The following LARGE1 variants were observed in gnomAD, a reference collection of about 807,000 sequenced individuals.
LARGE1 encodes the protein xylosyl- and glucuronyltransferase LARGE1.
In LARGE1, 43 loss-of-function variants were observed where a neutral mutation model predicts 87.6. The ratio of observed to expected loss-of-function variants is 0.49; its 90% CI spans 0.38 to 0.63. LARGE1 has a LOEUF of 0.63. LARGE1 is among the 30% of genes least tolerant of loss of function. The probability of loss-of-function intolerance (pLI) is 0.00; values close to 1 mark genes in which losing one functional copy is unlikely to be tolerated. For synonymous variants in LARGE1, 434 were observed against 394.6 expected, an observed-to-expected ratio of 1.10 and a Z score of -1.18; for missense variants, 802 against 1,000.2, an observed-to-expected ratio of 0.80 and a Z score of 2.67.
At chr22:33,547,782 A>G in intron 6 of LARGE1, among the ~76,000 whole-genome samples, 1 of 113,978 alleles carries the variant, frequency 8.8e-6, no homozygotes, top group African/African-American at 3.5e-5. Flanking sequence ...CGACAGAGTG[A>G]GACTCCATCT....
intron 2 of LARGE1, among the ~76,000 whole-genome samples, chr22:33,708,393 C>CCTCATACT (rs2082626011): frequency 6.6e-6 from 1 of 151,998 alleles, no homozygotes; most frequent in Non-Finnish European, 1.5e-5. Context: ...CCAGCCCAGC[C>CCTCATACT]AGAAGCCCTC....
intron 1 of LARGE1, among the ~76,000 whole-genome samples, chr22:33,805,087 C>A (rs1569453323): frequency 6.6e-6 from 1 of 152,224 alleles, no homozygotes; most frequent in Non-Finnish European, 1.5e-5. Flanking sequence ...CCGAACTCCA[C>A]CAACTTCGTT....
At chr22:33,089,558 C>T in the LARGE1 span, among the ~76,000 whole-genome samples, 1 of 151,544 alleles carries the variant, frequency 6.6e-6, no homozygotes, top group Non-Finnish European at 1.5e-5. Flanking sequence ...AGTGTAGTGG[C>T]ATGATCATAG....
chr22:33,088,644 A>G, the LARGE1 span, among the ~76,000 whole-genome samples: 1 of 152,162 alleles, frequency 6.6e-6, no homozygotes. Context: ...CTATTAGCCA[A>G]TCAGTTGCAC....
chr22:33,647,433 A>T (rs1272364434), intron 3 of LARGE1, among the ~76,000 whole-genome samples: 1 of 152,230 alleles, frequency 6.6e-6, no homozygotes, highest in African/African-American at 2.4e-5. Flanking sequence ...GTCCCACCTT[A>T]ACACTTCTTT....
chr22:33,555,985 ACT>A (rs1257160162), intron 6 of LARGE1, among the ~76,000 whole-genome samples: 3 of 150,738 alleles, frequency 2.0e-5, no homozygotes, highest in Non-Finnish European at 4.4e-5. Flanking sequence ...TGTCTGTATC[ACT>A]CTCTCTAATC....
intron 7 of LARGE1, among the ~76,000 whole-genome samples, chr22:33,410,910 C>T (rs111890791): frequency 6.6e-6 from 1 of 152,190 alleles, no homozygotes; most frequent in Non-Finnish European, 1.5e-5. Flanking sequence ...GCAATTAGTA[C>T]TGTGAACCTG....
At chr22:33,702,701 C>T (rs1312075462) in intron 2 of LARGE1, among the ~76,000 whole-genome samples, 1 of 152,128 alleles carries the variant, frequency 6.6e-6, no homozygotes, top group Admixed American at 6.6e-5. Context: ...TGCTGTGGTC[C>T]CTGTTATCCT....
At chr22:33,120,567 A>G in the LARGE1 span, among the ~76,000 whole-genome samples, 1 of 150,842 alleles carries the variant, frequency 6.6e-6, no homozygotes, top group Non-Finnish European at 1.5e-5. Context: ...GGCATGATGC[A>G]CTGGCATGAT....
intron 5 of LARGE1, among the ~76,000 whole-genome samples, chr22:33,597,130 C>T (rs2148946317): frequency 6.6e-6 from 1 of 152,290 alleles, no homozygotes; most frequent in Non-Finnish European, 1.5e-5. Context: ...TGAAGTTCAA[C>T]CATTGTTAAG....
chr22:33,523,913 C>T (rs1055489129), intron 6 of LARGE1, among the ~76,000 whole-genome samples: 4 of 152,092 alleles, frequency 2.6e-5, no homozygotes, highest in South Asian at 2.1e-4. Context: ...GCCATTTTAT[C>T]GTATGTGTTC....
At chr22:33,820,101 A>G (rs1179728949) in intron 1 of LARGE1, among the ~76,000 whole-genome samples, 1 of 152,152 alleles carries the variant, frequency 6.6e-6, no homozygotes, top group Non-Finnish European at 1.5e-5. Flanking sequence ...TGAGTGCAAA[A>G]TAAACATCCC....
chr22:33,687,232 C>T (rs2081971907), intron 2 of LARGE1, among the ~76,000 whole-genome samples: 1 of 150,802 alleles, frequency 6.6e-6, no homozygotes, highest in Non-Finnish European at 1.5e-5. Context: ...TGGCTTCAGG[C>T]AATCCTCCTG....
chr22:33,837,419 C>T lies in LARGE1; in HGVS notation c.-82-75861G>A, dbSNP rs190594251. Among the ~76,000 whole-genome samples, 16 of 152,156 alleles carry T rather than the reference C, an allele frequency of 1.1e-4. No individual in the cohort carries two copies. In the East Asian group the frequency reaches 2.5e-3, roughly 24 times the overall value. The stretch of plus-strand genomic sequence containing the variant: ...TGTCCTGTCTCCCCCTGCAACATTA[C>T]GAATTTTTTAACAACAAACACTTTC... On this transcript the variant is annotated intron_variant, in intron 1 of 14. Transcript: ENST00000397394.
At chr22:33,792,177 C>T (rs2085844900) in intron 1 of LARGE1, among the ~76,000 whole-genome samples, 1 of 152,162 alleles carries the variant, frequency 6.6e-6, no homozygotes, top group African/African-American at 2.4e-5. Context: ...TTGGCTGTGT[C>T]CCCACCCAAA....
chr22:33,679,593 A>G (rs1320739427), intron 2 of LARGE1, among the ~76,000 whole-genome samples: 1 of 152,112 alleles, frequency 6.6e-6, no homozygotes, highest in Non-Finnish European at 1.5e-5. Context: ...CTGTAATCCC[A>G]AACTTTGGGA....
At chr22:33,556,262 G>T (rs1424278140) in intron 6 of LARGE1, among the ~76,000 whole-genome samples, 1 of 151,966 alleles carries the variant, frequency 6.6e-6, no homozygotes, top group Non-Finnish European at 1.5e-5. Context: ...TTCAGCCCAG[G>T]TTTTGCCACT....
At chr22:33,777,107 G>C (rs987177720) in intron 1 of LARGE1, among the ~76,000 whole-genome samples, 1 of 152,200 alleles carries the variant, frequency 6.6e-6, no homozygotes, top group Admixed American at 6.5e-5. Context: ...AATTTCAAAA[G>C]AGTGAGAAGG....
At chr22:33,422,643 G>C (rs1236601586) in intron 7 of LARGE1, among the ~76,000 whole-genome samples, 1 of 151,956 alleles carries the variant, frequency 6.6e-6, no homozygotes, top group Admixed American at 6.6e-5. Context: ...CCGAGTGGTT[G>C]GGATCACAGG....
Sources: allele counts gnomAD v4.1 joint callset (sites outside exome capture counted in the v4.1 genomes callset), GRCh38; gene constraint gnomAD v4.1.1; transcripts MANE v1.5; gene names NCBI Gene and HGNC (gene_info 2026-07-23, HGNC 2026-07-21).